The following TMEM163 variants were observed in gnomAD, a reference collection of about 807,000 sequenced individuals.
The protein encoded by TMEM163 is transmembrane protein 163.
TMEM163 carries 17 observed loss-of-function variants against 29.3 expected under a neutral mutation model. The observed-to-expected ratio is 0.58, with a 90% CI of 0.40 to 0.87. The LOEUF (loss-of-function observed/expected upper bound fraction) is 0.87. Ranked by LOEUF, TMEM163 falls within the 40% of genes least tolerant of loss-of-function variation. The probability of loss-of-function intolerance (pLI) is 0.00; values close to 1 mark genes in which losing one functional copy is unlikely to be tolerated. For missense variants in TMEM163, 303 were observed against 381.5 expected, an observed-to-expected ratio of 0.79 and a Z score of 1.71; for synonymous variants, 157 against 160.6, an observed-to-expected ratio of 0.98 and a Z score of 0.17.
chr2:134,581,560 C>A (rs1298855592), intron 2 of TMEM163, among the ~76,000 whole-genome samples: 2 of 152,204 alleles, frequency 1.3e-5, no homozygotes, highest in African/African-American at 4.8e-5. Context: ...CTGCACTGCC[C>A]TTCCCCCAAA....
At chr2:134,591,851 T>A (rs6743425) in intron 2 of TMEM163, among the ~76,000 whole-genome samples, 6,439 of 150,930 alleles carry the variant, frequency 0.043, 212 homozygotes, top group Admixed American at 0.09. Context: ...CCTGTAGCAA[T>A]CACAGCCTAT....
chr2:134,587,579 C>T (rs888937328), intron 2 of TMEM163, among the ~76,000 whole-genome samples: 5 of 152,208 alleles, frequency 3.3e-5, no homozygotes, highest in African/African-American at 1.2e-4. Flanking sequence ...AGAACCCAGA[C>T]ACGTGGTTCA....
chr2:134,633,180 C>T (rs1470710644), intron 2 of TMEM163, among the ~76,000 whole-genome samples: 1 of 152,056 alleles, frequency 6.6e-6, no homozygotes, highest in Admixed American at 6.5e-5. Context: ...GAGAGAGTAC[C>T]ACAAGGCAGT....
At chr2:134,630,605 G>A (rs1459624075) in intron 2 of TMEM163, among the ~76,000 whole-genome samples, 2 of 152,148 alleles carry the variant, frequency 1.3e-5, no homozygotes, top group African/African-American at 2.4e-5. Flanking sequence ...CTCTTGGAGA[G>A]TCAAATGCTG....
At chr2:134,620,257 CTTT>C (rs373805175) in intron 2 of TMEM163, among the ~76,000 whole-genome samples, 7 of 138,050 alleles carry the variant, frequency 5.1e-5, no homozygotes, top group Non-Finnish European at 9.6e-5. Flanking sequence ...TATCTAATTT[CTTT>C]TTTTTTTTTT....
At chr2:134,590,785 T>C (rs1046916055) in intron 2 of TMEM163, among the ~76,000 whole-genome samples, 2 of 152,146 alleles carry the variant, frequency 1.3e-5, no homozygotes, top group African/African-American at 2.4e-5. Flanking sequence ...TAAGCTGTCA[T>C]GGTGAGAGAC....
At chr2:134,602,829 G>T (rs1262604040) in intron 2 of TMEM163, among the ~76,000 whole-genome samples, 3 of 151,890 alleles carry the variant, frequency 2.0e-5, no homozygotes, top group Non-Finnish European at 4.4e-5. Context: ...CACCGCCGAG[G>T]ACTCTTGTCT....
At chr2:134,491,367 G>A (rs1351674518) in intron 5 of TMEM163, among the ~76,000 whole-genome samples, 1 of 152,062 alleles carries the variant, frequency 6.6e-6, no homozygotes, top group Non-Finnish European at 1.5e-5. Flanking sequence ...ATGGGGGTGG[G>A]GAGTTCACCC....
chr2:134,464,707 G>A (rs1686624332), intron 6 of TMEM163, among the ~76,000 whole-genome samples: 1 of 152,016 alleles, frequency 6.6e-6, no homozygotes, highest in South Asian at 2.1e-4. Flanking sequence ...CCCCAACAAG[G>A]ACAACCAGCC....
intron 2 of TMEM163, among the ~76,000 whole-genome samples, chr2:134,613,011 C>A (rs749734925): frequency 2.0e-5 from 3 of 152,116 alleles, no homozygotes; most frequent in Admixed American, 6.6e-5. Context: ...GAAACCATGT[C>A]TTTAAAAATA....
Position 134,655,336 on chromosome 2 carries a change from G to A in TMEM163, c.322+57864C>T, listed in dbSNP as rs1355508526. On this transcript the variant is annotated intron_variant, in intron 2 of 7. Transcript: ENST00000281924. Reference sequence around the variant, plus strand: ...CTGATACCCTTTCTTCCAGTTGATCGCATCAGCTCCTGAGGCTTCTGCATT... The same window carrying A: ...CTGATACCCTTTCTTCCAGTTGATCACATCAGCTCCTGAGGCTTCTGCATT... Among the ~76,000 whole-genome samples the A allele has an allele frequency of 2.3e-4, 27 of 118,404 alleles. 1 individual carries two copies. The highest frequency in any genetic ancestry group is 7.1e-3 in the Middle Eastern group (2 of 280). The allele number at this position is 118,404 out of a possible 152,430, so 77.7% of individuals were successfully genotyped here.
chr2:134,532,835 C>A (rs544391451), intron 4 of TMEM163, among the ~76,000 whole-genome samples: 1 of 152,288 alleles, frequency 6.6e-6, no homozygotes, highest in Admixed American at 6.5e-5. Flanking sequence ...TTGTGGCTGG[C>A]AGTGTTTCCA....
Position 134,466,101 on chromosome 2 carries a change from T to C in TMEM163, c.667+13A>G, listed in dbSNP as rs758462662. Reference sequence around the variant, plus strand: ...CCCAGCCCCCAGAGATTAGGCACCCTGGCCTTACTCACCATCTGTTATGAG... The same window carrying C: ...CCCAGCCCCCAGAGATTAGGCACCCCGGCCTTACTCACCATCTGTTATGAG... On this transcript the variant is annotated intron_variant, in intron 6 of 7. Transcript: ENST00000281924. 23 of 1,600,964 alleles carry C rather than the reference T, an allele frequency of 1.4e-5. No individual in the cohort carries two copies. The highest frequency in any genetic ancestry group is 2.0e-5 in the Non-Finnish European group (23 of 1,171,148).
At chr2:134,463,039 C>T (rs1466057091) in intron 6 of TMEM163, among the ~76,000 whole-genome samples, 1 of 152,222 alleles carries the variant, frequency 6.6e-6, no homozygotes, top group African/African-American at 2.4e-5. Context: ...ATGGACTCAC[C>T]ACTGGGAGCC....
At chr2:134,469,470 G>A (rs562892844) in intron 5 of TMEM163, 1 of 152,238 alleles carries the variant, frequency 6.6e-6, no homozygotes, top group African/African-American at 2.4e-5. Flanking sequence ...CTCCCTCACG[G>A]TGGCTGCATA....
chr2:134,505,144 G>T (rs952949572), intron 4 of TMEM163, among the ~76,000 whole-genome samples: 1 of 151,600 alleles, frequency 6.6e-6, no homozygotes, highest in Non-Finnish European at 1.5e-5. Context: ...GTGACTCACA[G>T]AGACTCACTC....
At chr2:134,549,726 C>T (rs564967951) in intron 4 of TMEM163, among the ~76,000 whole-genome samples, 1 of 152,302 alleles carries the variant, frequency 6.6e-6, no homozygotes, top group East Asian at 1.9e-4. Flanking sequence ...CCAAAAGCTG[C>T]AGAGACAGAG....
intron 4 of TMEM163, among the ~76,000 whole-genome samples, chr2:134,512,131 A>G (rs1679961831): frequency 6.6e-6 from 1 of 152,214 alleles, no homozygotes; most frequent in East Asian, 1.9e-4. Context: ...TTTTCCTCCA[A>G]GTAGAGAAAG....
intron 2 of TMEM163, among the ~76,000 whole-genome samples, chr2:134,694,670 G>T (rs1684540777): frequency 6.6e-6 from 1 of 152,132 alleles, no homozygotes; most frequent in Non-Finnish European, 1.5e-5. Context: ...ATTCAGTTCT[G>T]ATACCATATC....
Sources: allele counts gnomAD v4.1 joint callset (sites outside exome capture counted in the v4.1 genomes callset), GRCh38; gene constraint gnomAD v4.1.1; transcripts MANE v1.5; gene names NCBI Gene and HGNC (gene_info 2026-07-23, HGNC 2026-07-21).